The following MYLK variants were observed in gnomAD, a reference collection of about 807,000 sequenced individuals.
MYLK encodes myosin light chain kinase.
Under a neutral mutation model 203.4 loss-of-function variants are expected in MYLK, and 106 were observed. The ratio of observed to expected loss-of-function variants is 0.52; its 90% CI spans 0.45 to 0.61. MYLK has a LOEUF of 0.61. MYLK is among the 20% of genes least tolerant of loss of function. The probability of loss-of-function intolerance (pLI) is 0.00; values close to 1 mark genes in which losing one functional copy is unlikely to be tolerated. For missense variants in MYLK, 2,072 were observed against 2,442.3 expected, an observed-to-expected ratio of 0.85 and a Z score of 3.20; for synonymous variants, 867 against 959.5, an observed-to-expected ratio of 0.90 and a Z score of 1.78.
chr3:123,785,000 C>T (rs2064455369), intron 4 of MYLK, among the ~76,000 whole-genome samples: 1 of 152,248 alleles, frequency 6.6e-6, no homozygotes, highest in African/African-American at 2.4e-5. Context: ...CTTCAATTCT[C>T]TCCATATACA....
At chr3:123,765,779 C>T (rs2063683535) in intron 4 of MYLK, among the ~76,000 whole-genome samples, 1 of 152,200 alleles carries the variant, frequency 6.6e-6, no homozygotes, top group African/African-American at 2.4e-5. Flanking sequence ...ATATGCTACA[C>T]TGGTGAACCT....
At chr3:123,711,628 C>G (rs820340) in intron 13 of MYLK, among the ~76,000 whole-genome samples, 1 of 152,192 alleles carries the variant, frequency 6.6e-6, no homozygotes, top group African/African-American at 2.4e-5. Context: ...AGCCTCTGGT[C>G]TCTCCCTTGG....
At chr3:123,745,963 T>C (rs1178656349) in intron 5 of MYLK, among the ~76,000 whole-genome samples, 2 of 152,114 alleles carry the variant, frequency 1.3e-5, no homozygotes, top group Non-Finnish European at 2.9e-5. Context: ...ACTCAAGTGA[T>C]TCTCCTGCCT....
intron 2 of MYLK, among the ~76,000 whole-genome samples, chr3:123,875,677 A>G (rs111682504): frequency 1.4e-4 from 22 of 152,210 alleles, no homozygotes; most frequent in African/African-American, 5.3e-4. Context: ...TTACATGAGA[A>G]AGAAAAAGAG....
chr3:123,622,297 T>C (rs1269566598), intron 31 of MYLK: 1 of 152,294 alleles, frequency 6.6e-6, no homozygotes, highest in African/African-American at 2.4e-5. Context: ...CTAACCCTAA[T>C]TGCTGGGAGA....
intron 18 of MYLK, among the ~76,000 whole-genome samples, chr3:123,695,927 G>T (rs1400894538): frequency 1.3e-5 from 2 of 152,144 alleles, no homozygotes; most frequent in Non-Finnish European, 2.9e-5. Flanking sequence ...TCCCGGAAGG[G>T]CTAGGAAAAG....
intron 19 of MYLK, chr3:123,692,414 T>C: frequency 8.2e-7 from 1 of 1,212,226 alleles, no homozygotes. Flanking sequence ...GTCATTTTCC[T>C]GTGGGTGTGT....
intron 2 of MYLK, among the ~76,000 whole-genome samples, chr3:123,861,290 G>A (rs979165674): frequency 1.3e-5 from 2 of 152,230 alleles, no homozygotes; most frequent in African/African-American, 4.8e-5. Context: ...GCTCTGCAGC[G>A]AGACAGCTGG....
chr3:123,752,447 C>T lies in MYLK; in HGVS notation c.257G>A (p.Arg86Gln), dbSNP rs138265409. Reference protein sequence around the residue: ...GGRFLLDCGIRGTFSLVIHAV... With the variant: ...GGRFLLDCGIQGTFSLVIHAV... ...ATGAATCACAAGGCTGAAAGTCCCC[C>T]GGATGCCGCAATCCAGCAGGAAGCG... Residue 86 changes from arginine (R) to glutamine (Q), a missense_variant, in exon 5 of 34, where the codon CGG becomes CAG. Arg to Gln is a conservative substitution (Grantham distance 43). This residue lies in a region of MYLK where 683 missense variants were observed against 643.8 expected (regional missense o/e 1.06). Transcript: ENST00000360304. 1.3e-4 allele frequency: 217 copies of T among 1,614,160 alleles called. No homozygotes were observed. The highest frequency in any genetic ancestry group is 5.1e-4 in the African/African-American group (38 of 75,026).
At chr3:123,771,258 T>A (rs1484264752) in intron 4 of MYLK, among the ~76,000 whole-genome samples, 1 of 152,218 alleles carries the variant, frequency 6.6e-6, no homozygotes, top group African/African-American at 2.4e-5. Context: ...CAACTTTTTT[T>A]AAGTTAATTT....
rs1009465470 is a variant in MYLK, at chr3:123,642,877, C to A, written c.4620-2373G>T. Among the ~76,000 whole-genome samples, 3 of 152,204 alleles carry A rather than the reference C, an allele frequency of 2.0e-5. No homozygotes were observed. Among genetic ancestry groups the A allele is most frequent in the African/African-American group, 4.8e-5 (2 of 41,436 alleles). Reference sequence around the variant, plus strand: ...TTTCTATGTAAAGAATCACTTGGGGCTCTTATTAAAAATACAAATTCCCAA... The same window carrying A: ...TTTCTATGTAAAGAATCACTTGGGGATCTTATTAAAAATACAAATTCCCAA... On this transcript the variant is annotated intron_variant, in intron 27 of 33. Transcript: ENST00000360304. The surrounding 1 kb of genome is among the most constrained non-coding windows in gnomAD (Gnocchi z 4.2).
At chr3:123,697,286 G>A (rs778712112) in intron 18 of MYLK, among the ~76,000 whole-genome samples, 1 of 152,180 alleles carries the variant, frequency 6.6e-6, no homozygotes, top group African/African-American at 2.4e-5. Context: ...AGGTGGGGCC[G>A]ATTTTTTGAG....
chr3:123,654,566 A>G (rs2059331275), intron 24 of MYLK, among the ~76,000 whole-genome samples: 1 of 152,152 alleles, frequency 6.6e-6, no homozygotes, highest in Non-Finnish European at 1.5e-5. Context: ...GACATTCTGC[A>G]TGTGGAGCTC....
chr3:123,837,539 A>T (rs1489282302), intron 2 of MYLK, among the ~76,000 whole-genome samples: 2 of 147,108 alleles, frequency 1.4e-5, no homozygotes, highest in Admixed American at 6.8e-5. Context: ...TACATATTTT[A>T]TATATATATG....
intron 8 of MYLK, among the ~76,000 whole-genome samples, chr3:123,736,518 C>G (rs923997907): frequency 2.0e-5 from 3 of 151,956 alleles, no homozygotes; most frequent in African/African-American, 7.3e-5. Flanking sequence ...CTTGAGGAAC[C>G]AAAGAACTGT....
In MYLK at chr3:123,755,336, C is replaced by A. The variant is rs183313719; in HGVS notation, c.166-2798G>T. ...TGGGGACATTGCAAACGTTCCAGAC[C>A]TCAGGGACACAATCCTTCTGTCTCT... is the stretch of plus-strand genomic sequence containing the variant. On this transcript the variant is annotated intron_variant, in intron 4 of 33. Coordinates refer to ENST00000360304, the MANE Select transcript of MYLK (RefSeq NM_053025.4). Among the ~76,000 whole-genome samples, 364 of 152,312 alleles carry A rather than the reference C, an allele frequency of 2.4e-3. 1 individual carries two copies. The highest frequency in any genetic ancestry group is 8.2e-3 in the African/African-American group (341 of 41,574).
chr3:123,720,326 C>T (rs1398632015), intron 13 of MYLK, among the ~76,000 whole-genome samples: 1 of 152,200 alleles, frequency 6.6e-6, no homozygotes, highest in African/African-American at 2.4e-5. Context: ...GGACTCTTAG[C>T]TCAGCTGGGT....
At chr3:123,639,320 C>A (rs2058750978) in intron 28 of MYLK, among the ~76,000 whole-genome samples, 2 of 152,216 alleles carry the variant, frequency 1.3e-5, no homozygotes, top group Admixed American at 6.5e-5. Context: ...TCTATCGGAA[C>A]CTCGCCCCTG....
chr3:123,706,793 T>C (rs575514209), intron 16 of MYLK, among the ~76,000 whole-genome samples: 1 of 142,610 alleles, frequency 7.0e-6, no homozygotes, highest in Non-Finnish European at 1.5e-5. Flanking sequence ...GTGTGCCTCA[T>C]GGAAATGTAG....
Sources: gnomAD v4.1 joint callset for allele counts (sites outside exome capture counted in the v4.1 genomes callset) on GRCh38, gnomAD v4.1.1 for gene constraint, gnomAD v4.1.1 regional missense constraint, Gnocchi (gnomAD v3.1) non-coding constraint, MANE v1.5 for transcripts, NCBI Gene and HGNC (gene_info 2026-07-23, HGNC 2026-07-21) for gene names.